STPG2: variants seen among roughly 807,000 people sequenced by gnomAD.
STPG2 encodes the protein sperm-tail PG-rich repeat-containing protein 2.
In STPG2, 56 loss-of-function variants were observed where a neutral mutation model predicts 54.2. That is an observed-to-expected ratio of 1.03 (90% CI 0.83 to 1.29). STPG2 has a LOEUF of 1.29. Among genes scored for constraint, STPG2 ranks in the 50% most tolerant of loss-of-function variants. The probability of loss-of-function intolerance (pLI) is 0.00; values close to 1 mark genes in which losing one functional copy is unlikely to be tolerated. For synonymous variants in STPG2, 200 were observed against 181.8 expected, an observed-to-expected ratio of 1.10 and a Z score of -0.81; for missense variants, 596 against 544.9, an observed-to-expected ratio of 1.09 and a Z score of -0.93.
chr4:98,035,173 G>T (rs188520379), intron 5 of STPG2, among the ~76,000 whole-genome samples: 103 of 152,200 alleles, frequency 6.8e-4, no homozygotes, highest in Non-Finnish European at 1.1e-3. Context: ...CCTACAGAAT[G>T]GGAGAAAAAT....
intron 5 of STPG2, among the ~76,000 whole-genome samples, chr4:97,997,747 C>A (rs930092978): frequency 6.6e-6 from 1 of 152,106 alleles, no homozygotes; most frequent in Non-Finnish European, 1.5e-5. Context: ...CCTAAATGAA[C>A]TAACACAGGA....
At chr4:97,675,404 G>A (rs1722808059) in intron 10 of STPG2, among the ~76,000 whole-genome samples, 1 of 152,094 alleles carries the variant, frequency 6.6e-6, no homozygotes, top group Non-Finnish European at 1.5e-5. Flanking sequence ...TTCAAGGCCT[G>A]CTACATTTAT....
intron 7 of STPG2, among the ~76,000 whole-genome samples, chr4:97,967,491 C>T (rs1734149874): frequency 6.6e-6 from 1 of 152,136 alleles, no homozygotes; most frequent in South Asian, 2.1e-4. Flanking sequence ...TTGAACTCAG[C>T]TCTGCACCAA....
At chr4:97,740,808 A>G (rs1053775854) in intron 9 of STPG2, among the ~76,000 whole-genome samples, 1 of 152,214 alleles carries the variant, frequency 6.6e-6, no homozygotes, top group African/African-American at 2.4e-5. Flanking sequence ...TATACATTCA[A>G]TGCCATCCCC....
At chr4:97,706,971 G>A (rs1017871235) in intron 10 of STPG2, among the ~76,000 whole-genome samples, 3 of 152,112 alleles carry the variant, frequency 2.0e-5, no homozygotes, top group African/African-American at 7.2e-5. Context: ...AGGCAAAATG[G>A]TTGTATGTTT....
chr4:97,914,138 C>T (rs775800623), intron 8 of STPG2, among the ~76,000 whole-genome samples: 28 of 152,280 alleles, frequency 1.8e-4, no homozygotes, highest in East Asian at 3.9e-4. Flanking sequence ...CCAACAAGCA[C>T]GAAAATCTCC....
chr4:97,544,378 G>T (rs1295851309), intron 4 of STPG2, among the ~76,000 whole-genome samples: 2 of 151,878 alleles, frequency 1.3e-5, no homozygotes, highest in South Asian at 2.1e-4. Flanking sequence ...TAGGATAAAT[G>T]GATTAAGTGA....
intron 9 of STPG2, among the ~76,000 whole-genome samples, chr4:97,796,109 C>T (rs1727166629): frequency 6.6e-6 from 1 of 152,124 alleles, no homozygotes; most frequent in South Asian, 2.1e-4. Flanking sequence ...AGCCCTTTGT[C>T]AGATGAATAG....
At chr4:97,651,771 A>G (rs540731128) in intron 10 of STPG2, among the ~76,000 whole-genome samples, 124 of 152,126 alleles carry the variant, frequency 8.2e-4, no homozygotes, top group Non-Finnish European at 1.5e-3. Flanking sequence ...TGTATGAACT[A>G]AAAAAGAGAA....
chr4:98,014,815 T>C (rs1318803323), intron 5 of STPG2, among the ~76,000 whole-genome samples: 1 of 152,168 alleles, frequency 6.6e-6, no homozygotes, highest in Admixed American at 6.5e-5. Flanking sequence ...ACTCCCATAA[T>C]TTTTGCTCAC....
chr4:97,686,894 C>T (rs1452472871), intron 10 of STPG2, among the ~76,000 whole-genome samples: 1 of 151,180 alleles, frequency 6.6e-6, no homozygotes, highest in African/African-American at 2.4e-5. Flanking sequence ...TCTCAAATGA[C>T]ATAGCTAACA....
chr4:97,976,118 C>A (rs1734489998), intron 6 of STPG2, among the ~76,000 whole-genome samples: 1 of 152,090 alleles, frequency 6.6e-6, no homozygotes, highest in Non-Finnish European at 1.5e-5. Context: ...CCCAATTTTT[C>A]AAATATTCCA....
chr4:97,859,732 G>A (rs988003253), intron 8 of STPG2, among the ~76,000 whole-genome samples: 19 of 152,148 alleles, frequency 1.2e-4, no homozygotes, highest in Admixed American at 1.2e-3. Flanking sequence ...AAAGTGCTGG[G>A]ATTATATGTG....
At chr4:97,873,803 T>C (rs1326591450) in intron 8 of STPG2, among the ~76,000 whole-genome samples, 1 of 151,600 alleles carries the variant, frequency 6.6e-6, no homozygotes, top group East Asian at 1.9e-4. Context: ...AAATTCTAAT[T>C]AGTAACTTAA....
At chr4:97,712,673 C>T (rs367618327) in intron 10 of STPG2, 26 bp downstream of exon 10, 6 of 1,474,392 alleles carry the variant, frequency 4.1e-6, no homozygotes, top group African/African-American at 1.4e-5. Context: ...TCTTGTGTCA[C>T]TGTTAAGAAG....
intron 10 of STPG2, among the ~76,000 whole-genome samples, chr4:97,671,646 C>G (rs1722699857): frequency 1.3e-5 from 2 of 151,992 alleles, no homozygotes. Flanking sequence ...TATTGAGTAC[C>G]CTTTTAGTGT....
chr4:97,909,175 C>G (rs997669051), intron 8 of STPG2, among the ~76,000 whole-genome samples: 1 of 151,302 alleles, frequency 6.6e-6, no homozygotes, highest in Non-Finnish European at 1.5e-5. Flanking sequence ...TTTTAAGAAG[C>G]AATTGTTAAT....
intron 5 of STPG2, among the ~76,000 whole-genome samples, chr4:98,068,577 T>G (rs1403226001): frequency 6.6e-6 from 1 of 152,100 alleles, no homozygotes; most frequent in Non-Finnish European, 1.5e-5. Flanking sequence ...GAGAAGAAAA[T>G]TATCCATTTC....
At chr4:97,840,158 C>A (rs1048024659) in intron 9 of STPG2, among the ~76,000 whole-genome samples, 6 of 151,270 alleles carry the variant, frequency 4.0e-5, no homozygotes, top group African/African-American at 1.2e-4. Flanking sequence ...AATATAGCTT[C>A]TTTCTTTATA....
Sources: gnomAD v4.1 joint callset for allele counts (sites outside exome capture counted in the v4.1 genomes callset) on GRCh38, gnomAD v4.1.1 for gene constraint, MANE v1.5 for transcripts, NCBI Gene and HGNC (gene_info 2026-07-23, HGNC 2026-07-21) for gene names.